ELOVL6: variants seen among roughly 807,000 people sequenced by gnomAD.
ELOVL6 encodes very long chain fatty acid elongase 6.
Under a neutral mutation model 31.7 loss-of-function variants are expected in ELOVL6, and 8 were observed. The ratio of observed to expected loss-of-function variants is 0.25; its 90% CI spans 0.15 to 0.45. The LOEUF is 0.45. Ranked by LOEUF, ELOVL6 falls within the 20% of genes least tolerant of loss-of-function variation. The pLI is 1.00. For synonymous variants in ELOVL6, 101 were observed against 117.7 expected (o/e 0.86, Z 0.92); for missense variants, 126 against 326.4 (o/e 0.39, Z 4.73).
In ELOVL6 at chr4:110,051,620, G is replaced by A. The variant is rs371188010; in HGVS notation, c.516C>T (p.Gly172=). Residue 172 remains glycine (G), a synonymous_variant, in exon 4 of 4, where the codon GGC becomes GGT. Coordinates refer to ENST00000302274, the MANE Select transcript of ELOVL6 (RefSeq NM_024090.3). The surrounding 1 kb of genome is among the most constrained non-coding windows in gnomAD (Gnocchi z 4.8). The part of the protein sequence containing the change: ...GGGWFMTMNY[G]VHAVMYSYYA... The stretch of plus-strand genomic sequence containing the variant: ...AGTAAGAGTACATCACGGCGTGCAC[G>A]CCATAGTTCATAGTCATGAACCAAC... 5.3e-5 allele frequency: 86 copies of A among 1,614,164 alleles called. No homozygotes were observed. The highest frequency in any genetic ancestry group is 8.8e-5 in the South Asian group (8 of 91,082).
intron 1 of ELOVL6, among the ~76,000 whole-genome samples, chr4:110,106,250 G>A (rs181781187): frequency 2.6e-4 from 39 of 152,242 alleles, no homozygotes; most frequent in African/African-American, 9.1e-4. Context: ...TTAGCTACTT[G>A]GGAGGCTGAG....
At chr4:110,188,822 C>G (rs911758820) in intron 1 of ELOVL6, among the ~76,000 whole-genome samples, 49 of 148,314 alleles carry the variant, frequency 3.3e-4, no homozygotes, top group Non-Finnish European at 5.6e-4. Context: ...ACCTGGGAGG[C>G]AGAGGTTGCG....
chr4:110,166,486 C>T (rs1015780292), intron 1 of ELOVL6, among the ~76,000 whole-genome samples: 1 of 152,022 alleles, frequency 6.6e-6, no homozygotes, highest in Non-Finnish European at 1.5e-5. Context: ...GTGGTACGCG[C>T]CCTGTAGTCC....
At chr4:110,155,157 A>G (rs1419201209) in intron 1 of ELOVL6, among the ~76,000 whole-genome samples, 1 of 152,160 alleles carries the variant, frequency 6.6e-6, no homozygotes, top group African/African-American at 2.4e-5. Flanking sequence ...TTAAACTTCT[A>G]TGAACATTTA....
intron 2 of ELOVL6, among the ~76,000 whole-genome samples, chr4:110,066,030 C>T (rs1755289265): frequency 6.6e-6 from 1 of 152,072 alleles, no homozygotes; most frequent in African/African-American, 2.4e-5. Context: ...AATTACTTTC[C>T]CAGTATTAGG....
chr4:110,157,156 C>T (rs529805410), intron 1 of ELOVL6, among the ~76,000 whole-genome samples: 1 of 152,284 alleles, frequency 6.6e-6, no homozygotes, highest in African/African-American at 2.4e-5. Flanking sequence ...AAGAAAGGCT[C>T]AAACATTTTA....
chr4:110,117,926 C>CTAGCTA (rs1321224817), intron 1 of ELOVL6: 1 of 15,116 alleles, frequency 6.6e-5, no homozygotes, highest in African/African-American at 1.7e-4. Flanking sequence ...ATATATATAT[C>CTAGCTA]TCCCCAGAGA....
chr4:110,092,485 C>G (rs1260906990), intron 2 of ELOVL6, among the ~76,000 whole-genome samples: 1 of 152,186 alleles, frequency 6.6e-6, no homozygotes, highest in African/African-American at 2.4e-5. Context: ...CCACTCTTCT[C>G]TACCATCCTC....
At chr4:110,189,069 A>G (rs1759529816) in intron 1 of ELOVL6, among the ~76,000 whole-genome samples, 1 of 151,624 alleles carries the variant, frequency 6.6e-6, no homozygotes, top group Admixed American at 6.6e-5. Context: ...CTTGAGGCCA[A>G]CAGTTCAAAA....
chr4:110,149,139 G>A (rs1758212178), intron 1 of ELOVL6, among the ~76,000 whole-genome samples: 1 of 152,162 alleles, frequency 6.6e-6, no homozygotes, highest in Non-Finnish European at 1.5e-5. Flanking sequence ...TGGGATTACA[G>A]GTGTGAGCCA....
At chr4:110,195,791 A>G (rs1448071047) in intron 1 of ELOVL6, among the ~76,000 whole-genome samples, 1 of 152,094 alleles carries the variant, frequency 6.6e-6, no homozygotes, top group African/African-American at 2.4e-5. Context: ...CTCACTGGAC[A>G]TTTTCTCAAG....
intron 2 of ELOVL6, 106 bp downstream of exon 2, chr4:110,105,391 T>C (rs1756859175): frequency 1.7e-6 from 2 of 1,203,198 alleles, no homozygotes; most frequent in South Asian, 1.5e-5. Context: ...CCTCATCATA[T>C]TCAATAATCA....
chr4:110,066,849 T>G (rs761291173), intron 2 of ELOVL6, among the ~76,000 whole-genome samples: 1 of 152,046 alleles, frequency 6.6e-6, no homozygotes, highest in Non-Finnish European at 1.5e-5. Context: ...GCTGCACCCA[T>G]CAACGCATCA....
chr4:110,170,089 A>T (rs1229829478), intron 1 of ELOVL6, among the ~76,000 whole-genome samples: 2 of 152,072 alleles, frequency 1.3e-5, no homozygotes, highest in East Asian at 3.9e-4. Context: ...TGCTAGGATT[A>T]TAGGCGTGAG....
chr4:110,144,084 G>C (rs1227048563), intron 1 of ELOVL6, among the ~76,000 whole-genome samples: 3 of 150,804 alleles, frequency 2.0e-5, no homozygotes, highest in Non-Finnish European at 4.4e-5. Flanking sequence ...AAGATGAGGG[G>C]TCTTGAGAAA....
intron 2 of ELOVL6, among the ~76,000 whole-genome samples, chr4:110,094,445 T>TATAAA (rs1560820750): frequency 0.011 from 543 of 47,342 alleles, 15 homozygotes; most frequent in African/African-American, 0.015. Context: ...ATATATATAA[T>TATAAA]ATATATAACA....
At chr4:110,084,557 C>CAGATATATATAT (rs1756169305) in intron 2 of ELOVL6, among the ~76,000 whole-genome samples, 1 of 62,222 alleles carries the variant, frequency 1.6e-5, no homozygotes, top group African/African-American at 1.0e-4. Context: ...CACACACACA[C>CAGATATATATAT]ACACAGATAT....
At chr4:110,131,848 T>A (rs1337061207) in intron 1 of ELOVL6, among the ~76,000 whole-genome samples, 1 of 152,046 alleles carries the variant, frequency 6.6e-6, no homozygotes, top group Non-Finnish European at 1.5e-5. Context: ...CAAAAATCTA[T>A]AATGCACTCT....
At chr4:110,123,451 C>T (rs779449928) in intron 1 of ELOVL6, among the ~76,000 whole-genome samples, 2 of 152,070 alleles carry the variant, frequency 1.3e-5, no homozygotes, top group Non-Finnish European at 2.9e-5. Context: ...CAAAAAACCC[C>T]GTCCTCGTGG....
Sources: gnomAD v4.1 joint callset for allele counts (sites outside exome capture counted in the v4.1 genomes callset) on GRCh38, gnomAD v4.1.1 for gene constraint, Gnocchi (gnomAD v3.1) non-coding constraint, MANE v1.5 for transcripts, NCBI Gene and HGNC (gene_info 2026-07-23, HGNC 2026-07-21) for gene names.